CDH12: variants seen among roughly 807,000 people sequenced by gnomAD.
CDH12 encodes cadherin 12.
Under a neutral mutation model 74.1 loss-of-function variants are expected in CDH12, and 41 were observed. The observed-to-expected ratio is 0.55, with a 90% confidence interval of 0.43 to 0.72. The LOEUF (loss-of-function observed/expected upper bound fraction) is 0.72, where lower values mean the gene tolerates loss of function less well. CDH12 is among the 30% of genes least tolerant of loss of function. The pLI is 0.00. For synonymous variants in CDH12, 399 were observed against 355.0 expected (o/e 1.12, Z -1.39); for missense variants, 945 against 977.2 (o/e 0.97, Z 0.44).
chr5:22,595,511 G>A (rs939334357), intron 1 of CDH12, among the ~76,000 whole-genome samples: 1 of 152,104 alleles, frequency 6.6e-6, no homozygotes, highest in Non-Finnish European at 1.5e-5. Flanking sequence ...TAGATAAATA[G>A]GGAGGCTAAA....
At chr5:21,859,591 T>C (rs1006711885) in intron 6 of CDH12, among the ~76,000 whole-genome samples, 3 of 151,966 alleles carry the variant, frequency 2.0e-5, no homozygotes, top group African/African-American at 7.2e-5. Flanking sequence ...CCATCACCCC[T>C]AGTGATCCAC....
chr5:22,405,444 A>G (rs957752098), intron 2 of CDH12, 93 bp from the exon 3 acceptor site: 4 of 188,428 alleles, frequency 2.1e-5, no homozygotes, highest in Non-Finnish European at 3.9e-5. Flanking sequence ...TATTTGGTTG[A>G]CACATCTCTA....
intron 3 of CDH12, among the ~76,000 whole-genome samples, chr5:22,346,674 C>G (rs1451639417): frequency 6.6e-6 from 1 of 152,180 alleles, no homozygotes; most frequent in African/African-American, 2.4e-5. Context: ...ACGGTACTCA[C>G]TCCAGAGACC....
intron 1 of CDH12, among the ~76,000 whole-genome samples, chr5:22,678,773 A>G (rs1741343140): frequency 6.6e-6 from 1 of 152,136 alleles, no homozygotes; most frequent in Admixed American, 6.6e-5. Context: ...TTCATCATTT[A>G]GGAATTGCAA....
chr5:21,850,070 G>T (rs1314652476), intron 7 of CDH12, among the ~76,000 whole-genome samples: 1 of 151,412 alleles, frequency 6.6e-6, no homozygotes, highest in African/African-American at 2.4e-5. Flanking sequence ...AATATTGTGT[G>T]ATCTTATTTA....
chr5:22,585,796 G>A (rs1580790709), intron 1 of CDH12, among the ~76,000 whole-genome samples: 4 of 151,918 alleles, frequency 2.6e-5, no homozygotes, highest in Middle Eastern at 3.4e-3. Flanking sequence ...TTTCTAGGTC[G>A]TTCTTTCAAA....
intron 1 of CDH12, among the ~76,000 whole-genome samples, chr5:22,589,925 C>T (rs1740616875): frequency 6.6e-6 from 1 of 152,086 alleles, no homozygotes; most frequent in Admixed American, 6.6e-5. Flanking sequence ...CCACTATTAT[C>T]CAACTTCACT....
chr5:22,591,219 G>C (rs913023068), intron 1 of CDH12, among the ~76,000 whole-genome samples: 1 of 152,078 alleles, frequency 6.6e-6, no homozygotes, highest in Non-Finnish European at 1.5e-5. Context: ...TTTTTTGAAA[G>C]GCTGAATTTT....
intron 6 of CDH12, among the ~76,000 whole-genome samples, chr5:21,950,532 T>A (rs1755803551): frequency 6.6e-6 from 1 of 151,560 alleles, no homozygotes; most frequent in African/African-American, 2.4e-5. Context: ...AAACATAGAT[T>A]GGCAGAGTAG....
intron 4 of CDH12, among the ~76,000 whole-genome samples, chr5:22,147,072 C>A (rs1364476832): frequency 2.0e-5 from 3 of 152,122 alleles, no homozygotes; most frequent in African/African-American, 7.2e-5. Flanking sequence ...CTTTGTTCAT[C>A]CAGTCAGATT....
intron 5 of CDH12, among the ~76,000 whole-genome samples, chr5:22,038,132 AC>A (rs1739312870): frequency 6.6e-6 from 1 of 152,110 alleles, no homozygotes; most frequent in Non-Finnish European, 1.5e-5. Flanking sequence ...AAGGTACTGT[AC>A]TACACCCCTT....
At chr5:21,864,578 C>T (rs1751228754) in intron 6 of CDH12, among the ~76,000 whole-genome samples, 4 of 152,126 alleles carry the variant, frequency 2.6e-5, no homozygotes, top group African/African-American at 9.7e-5. Flanking sequence ...TGATAAACTT[C>T]CCAGTCTTAG....
At chr5:21,914,048 G>A (rs1245280298) in intron 6 of CDH12, among the ~76,000 whole-genome samples, 1 of 152,002 alleles carries the variant, frequency 6.6e-6, no homozygotes. Context: ...TGCCAGAAAG[G>A]ACTACAAACT....
At chr5:22,180,877 C>G (rs1749607474) in intron 4 of CDH12, among the ~76,000 whole-genome samples, 1 of 152,066 alleles carries the variant, frequency 6.6e-6, no homozygotes, top group African/African-American at 2.4e-5. Context: ...GACTTTATAT[C>G]TAGTTGTCCT....
chr5:22,097,874 C>A lies in CDH12; in HGVS notation c.-186-19012G>T, dbSNP rs555738395. On this transcript the variant is annotated intron_variant, in intron 4 of 14. Coordinates refer to ENST00000382254, the MANE Select transcript of CDH12 (RefSeq NM_004061.5). ...GAGAAGATTAAAGCCTGTTATCTCT[C>A]ACCTGCTACAGCATGGCCTTTTAAA... Among the ~76,000 whole-genome samples, 12 of 152,288 alleles carry A rather than the reference C, an allele frequency of 7.9e-5. 3 individuals carry two copies. Among genetic ancestry groups the A allele is most frequent in the African/African-American group, 2.6e-4 (11 of 41,564 alleles).
At chr5:21,935,805 T>A (rs1755050240) in intron 6 of CDH12, among the ~76,000 whole-genome samples, 1 of 152,184 alleles carries the variant, frequency 6.6e-6, no homozygotes, top group African/African-American at 2.4e-5. Context: ...GTTCAACTGT[T>A]TTAAGCCTTA....
In CDH12 at chr5:22,004,830, G is replaced by A. The variant is rs149026301; in HGVS notation, c.232-29445C>T. Among the ~76,000 whole-genome samples the A allele has an allele frequency of 3.1e-3, 473 of 152,078 alleles. 8 individuals are homozygous for A. Among genetic ancestry groups the A allele is most frequent in the East Asian group, 0.016 (80 of 5,158 alleles). ...TCCTCCCCACTTTTAGAGCCCCAAT[G>A]CCTATTATTTTCCTCTTTATGTCCA... On this transcript the variant is annotated intron_variant, in intron 5 of 14. Transcript: ENST00000382254.
chr5:22,296,144 T>C (rs888596347), intron 3 of CDH12, among the ~76,000 whole-genome samples: 1 of 151,866 alleles, frequency 6.6e-6, no homozygotes, highest in African/African-American at 2.4e-5. Context: ...TATAAAAATG[T>C]ATTAGAAAAA....
intron 1 of CDH12, among the ~76,000 whole-genome samples, chr5:22,616,466 T>C (rs1011769681): frequency 3.3e-5 from 5 of 152,122 alleles, no homozygotes; most frequent in African/African-American, 4.8e-5. Flanking sequence ...AGGAAAAATT[T>C]ATGAAGTATA....
Sources: allele counts gnomAD v4.1 joint callset (sites outside exome capture counted in the v4.1 genomes callset), GRCh38; gene constraint gnomAD v4.1.1; transcripts MANE v1.5; gene names NCBI Gene and HGNC (gene_info 2026-07-23, HGNC 2026-07-21).